Variants in PPM1H observed in about 807,000 individuals in gnomAD.
The protein encoded by PPM1H is protein phosphatase, Mg2+/Mn2+ dependent 1H, also known as protein phosphatase 1H.
In PPM1H, 27 loss-of-function variants were observed where a neutral mutation model predicts 54.9. That is an observed-to-expected ratio of 0.49 (90% CI 0.36 to 0.68). The LOEUF (loss-of-function observed/expected upper bound fraction) is 0.68, where lower values mean the gene tolerates loss of function less well. Ranked by LOEUF, PPM1H falls within the 30% of genes least tolerant of loss-of-function variation. The probability of loss-of-function intolerance (pLI) is 0.00; values close to 1 mark genes in which losing one functional copy is unlikely to be tolerated. For missense variants in PPM1H, 596 were observed against 667.8 expected (o/e 0.89, Z 1.19); for synonymous variants, 305 against 270.8 (o/e 1.13, Z -1.24).
At position 62,646,271 on chromosome 12, in the gene PPM1H, G is replaced by A. The variant is rs375732497; in HGVS notation, c.*2218C>T. ...CCTGAGACGTGCCATAGCAGTAAAT[G>A]AATTGGTGAATTGAGTAGAAGGTAG... On this transcript the variant is annotated 3_prime_UTR_variant, in exon 10 of 10. Transcript: ENST00000228705. 38 of 152,178 alleles carry A rather than the reference G, an allele frequency of 2.5e-4. No individual in the cohort carries two copies. Among genetic ancestry groups the A allele is most frequent in the African/African-American group, 8.9e-4 (37 of 41,446 alleles). 9.4% of individuals were successfully genotyped at this position (152,178 alleles called of 1,614,324 possible).
At chr12:62,723,047 T>C (rs968406050) in intron 5 of PPM1H, among the ~76,000 whole-genome samples, 1 of 152,196 alleles carries the variant, frequency 6.6e-6, no homozygotes, top group African/African-American at 2.4e-5. Flanking sequence ...CTGGCCTACC[T>C]TAAATGTGCT....
At chr12:62,668,521 G>A (rs1420071258) in intron 8 of PPM1H, among the ~76,000 whole-genome samples, 1 of 152,120 alleles carries the variant, frequency 6.6e-6, no homozygotes, top group Non-Finnish European at 1.5e-5. Context: ...GATTACAGGT[G>A]CATGCCACTA....
At chr12:62,794,580 T>C (rs1407008148) in intron 3 of PPM1H, among the ~76,000 whole-genome samples, 4 of 152,146 alleles carry the variant, frequency 2.6e-5, no homozygotes, top group Admixed American at 6.5e-5. Flanking sequence ...TCTGAGATCC[T>C]CCCGGCTATG....
In PPM1H at chr12:62,691,236, C is replaced by T. The variant is rs924920389; in HGVS notation, c.1138-1430G>A. On this transcript the variant is annotated intron_variant, in intron 7 of 9. Coordinates refer to ENST00000228705, the MANE Select transcript of PPM1H (RefSeq NM_020700.2). ...ATCCTGGGTGGAAGAAAGCAGTGTC[C>T]TAACCCTTAATCATAAAAAATATAT... Among the ~76,000 whole-genome samples the T allele has an allele frequency of 1.1e-4, 16 of 152,130 alleles. 1 individual carries two copies. Among genetic ancestry groups the T allele is most frequent in the Admixed American group, 8.5e-4 (13 of 15,272 alleles).
chr12:62,846,608 C>T (rs1289502725), intron 1 of PPM1H, among the ~76,000 whole-genome samples: 2 of 151,644 alleles, frequency 1.3e-5, no homozygotes, highest in Non-Finnish European at 2.9e-5. Flanking sequence ...CTCCTCGCAC[C>T]CCCTCATCCT....
chr12:62,752,733 T>G (rs565927624), intron 4 of PPM1H, among the ~76,000 whole-genome samples: 4 of 152,184 alleles, frequency 2.6e-5, no homozygotes, highest in Non-Finnish European at 5.9e-5. Context: ...CTCTTACAAC[T>G]GTCCAAGTAA....
At chr12:62,756,129 G>A (rs2076472861) in intron 4 of PPM1H, 2 of 847,932 alleles carry the variant, frequency 2.4e-6, no homozygotes, top group South Asian at 2.6e-5. Flanking sequence ...GGATGGCATT[G>A]ACCTCAACGA....
At chr12:62,929,608 TA>T (rs772271454) in intron 1 of PPM1H, among the ~76,000 whole-genome samples, 6 of 152,128 alleles carry the variant, frequency 3.9e-5, no homozygotes, top group Non-Finnish European at 5.9e-5. Context: ...AAACATATAG[TA>T]AACACCCCCC....
chr12:62,718,326 T>C (rs982527206), intron 6 of PPM1H, among the ~76,000 whole-genome samples: 7 of 152,218 alleles, frequency 4.6e-5, no homozygotes, highest in African/African-American at 1.7e-4. Flanking sequence ...TATCCCTCTA[T>C]TTAGGCCTCG....
chr12:62,683,981 G>A (rs899845525), intron 8 of PPM1H, among the ~76,000 whole-genome samples: 4 of 152,196 alleles, frequency 2.6e-5, no homozygotes, highest in Non-Finnish European at 5.9e-5. Context: ...GAATTGCTGA[G>A]AAAGAAGAAT....
chr12:62,658,351 C>T (rs763482108), intron 9 of PPM1H, among the ~76,000 whole-genome samples: 2 of 152,044 alleles, frequency 1.3e-5, no homozygotes, highest in Non-Finnish European at 2.9e-5. Context: ...GCCCTAGTTC[C>T]TCTTGGCTTT....
intron 4 of PPM1H, among the ~76,000 whole-genome samples, chr12:62,786,171 A>C (rs1454205986): frequency 6.6e-6 from 1 of 152,242 alleles, no homozygotes; most frequent in Non-Finnish European, 1.5e-5. Context: ...ATTGGAGCAG[A>C]CAAAGAGCAA....
chr12:62,855,927 T>C (rs960268599), intron 1 of PPM1H, among the ~76,000 whole-genome samples: 1 of 152,248 alleles, frequency 6.6e-6, no homozygotes, highest in Non-Finnish European at 1.5e-5. Flanking sequence ...AGATGTGTTA[T>C]GTGGGATGAG....
intron 1 of PPM1H, among the ~76,000 whole-genome samples, chr12:62,851,955 C>T (rs76384508): frequency 0.026 from 3,904 of 148,842 alleles, 75 homozygotes; most frequent in East Asian, 0.085. Context: ...TTTGGATGGC[C>T]GGGCGCGGTG....
At chr12:62,888,757 C>G (rs1304510745) in intron 1 of PPM1H, among the ~76,000 whole-genome samples, 1 of 152,114 alleles carries the variant, frequency 6.6e-6, no homozygotes, top group African/African-American at 2.4e-5. Context: ...TAAGGTAAAA[C>G]AAGGATATAC....
intron 1 of PPM1H, among the ~76,000 whole-genome samples, chr12:62,910,977 A>G (rs772559): frequency 0.33 from 49,987 of 152,124 alleles, 9,831 homozygotes; most frequent in Non-Finnish European, 0.45. Flanking sequence ...AGCACCTACA[A>G]TGTGGCAGGC....
intron 4 of PPM1H, among the ~76,000 whole-genome samples, chr12:62,750,612 AG>A (rs1467110668): frequency 3.9e-5 from 6 of 152,188 alleles, no homozygotes; most frequent in Admixed American, 3.3e-4. Flanking sequence ...ATATGTTTTC[AG>A]TTCTCTTGGG....
chr12:62,679,983 C>A (rs2076009849), intron 8 of PPM1H, among the ~76,000 whole-genome samples: 2 of 152,222 alleles, frequency 1.3e-5, no homozygotes, highest in African/African-American at 4.8e-5. Flanking sequence ...GGCTGTGATA[C>A]AGTGTCTGTC....
At chr12:62,744,269 A>G (rs2652032) in intron 4 of PPM1H, among the ~76,000 whole-genome samples, 32,734 of 151,640 alleles carry the variant, frequency 0.22, 5,808 homozygotes, top group African/African-American at 0.49. Flanking sequence ...TCAGGAGTTC[A>G]AGACCAGCCT....
Sources: allele counts gnomAD v4.1 joint callset (sites outside exome capture counted in the v4.1 genomes callset), GRCh38; gene constraint gnomAD v4.1.1; transcripts MANE v1.5; gene names NCBI Gene and HGNC (gene_info 2026-07-23, HGNC 2026-07-21).